Variants in MACF1 observed in about 807,000 individuals in gnomAD.
The protein encoded by MACF1 is microtubule-actin cross-linking factor 1.
In MACF1, 193 loss-of-function variants were observed where a neutral mutation model predicts 854.8. The observed-to-expected ratio is 0.23, with a 90% confidence interval of 0.20 to 0.25. The LOEUF (loss-of-function observed/expected upper bound fraction) is 0.25. Ranked by LOEUF, MACF1 falls within the 10% of genes least tolerant of loss-of-function variation. The pLI, the probability that MACF1 is intolerant of heterozygous loss-of-function variation, is 1.00. For missense variants in MACF1, 7,722 were observed against 8,929.1 expected (o/e 0.86, Z 5.45); for synonymous variants, 3,185 against 3,226.7 (o/e 0.99, Z 0.44).
intron 58 of MACF1, chr1:39,412,248 A>T: frequency 6.2e-7 from 1 of 1,614,034 alleles, no homozygotes; most frequent in Non-Finnish European, 8.5e-7. Context: ...ATGAACTAAC[A>T]GATGTTACCT....
chr1:39,398,742 G>A (rs1642366008), intron 58 of MACF1, among the ~76,000 whole-genome samples: 1 of 152,112 alleles, frequency 6.6e-6, no homozygotes, highest in Non-Finnish European at 1.5e-5. Context: ...AGGATCTTGG[G>A]GAACTAATCT....
intron 41 of MACF1, among the ~76,000 whole-genome samples, chr1:39,347,755 T>TTC (rs1195853282): frequency 6.6e-6 from 1 of 152,234 alleles, no homozygotes. Flanking sequence ...TAATATTATT[T>TTC]TCTTGCACCT....
At chr1:39,232,228 G>A (rs1302007308) in intron 2 of MACF1, among the ~76,000 whole-genome samples, 1 of 151,692 alleles carries the variant, frequency 6.6e-6, no homozygotes, top group African/African-American at 2.4e-5. Flanking sequence ...TATGACTACT[G>A]TGGCAGTTAG....
chr1:39,404,516 G>C (rs2148598772), intron 58 of MACF1, among the ~76,000 whole-genome samples: 1 of 152,048 alleles, frequency 6.6e-6, no homozygotes, highest in East Asian at 1.9e-4. Context: ...TTTGGAGACA[G>C]GATCTCACTC....
intron 55 of MACF1, among the ~76,000 whole-genome samples, chr1:39,380,603 C>T (rs1650096621): frequency 1.3e-5 from 2 of 152,252 alleles, no homozygotes; most frequent in South Asian, 4.2e-4. Context: ...TGGTAATCTA[C>T]TGTGATCAAG....
intron 58 of MACF1, among the ~76,000 whole-genome samples, chr1:39,392,940 A>G (rs909504253): frequency 2.0e-5 from 3 of 152,128 alleles, no homozygotes; most frequent in African/African-American, 7.2e-5. Context: ...TGTTGGAAGT[A>G]GAAAGGAAGA....
intron 50 of MACF1, among the ~76,000 whole-genome samples, 168 bp downstream of exon 50, chr1:39,368,482 C>A (rs572197918): frequency 6.6e-6 from 1 of 152,192 alleles, no homozygotes; most frequent in East Asian, 1.9e-4. Flanking sequence ...GCTACCTCAT[C>A]TACTTGATGC....
At chr1:39,440,489 C>CT (rs1377121901) in intron 72 of MACF1, among the ~76,000 whole-genome samples, 3 of 152,116 alleles carry the variant, frequency 2.0e-5, no homozygotes, top group South Asian at 2.1e-4. Context: ...TATTATTTCT[C>CT]TAATTTCTTA....
chr1:39,284,040 G>A (rs1252909765), intron 9 of MACF1, 26 bp from the exon 10 acceptor site: 1 of 1,611,964 alleles, frequency 6.2e-7, no homozygotes, highest in Admixed American at 1.7e-5. Flanking sequence ...CTAATCAGGT[G>A]TGTGATGTTT....
chr1:39,322,033 G>A (rs1397529434), intron 31 of MACF1, among the ~76,000 whole-genome samples: 1 of 152,214 alleles, frequency 6.6e-6, no homozygotes, highest in Non-Finnish European at 1.5e-5. Flanking sequence ...AACTTGCAGG[G>A]TTGCAGAGGA....
At chr1:39,266,257 C>T (rs1645230102) in intron 6 of MACF1, among the ~76,000 whole-genome samples, 1 of 152,212 alleles carries the variant, frequency 6.6e-6, no homozygotes. Flanking sequence ...AATTCAAGTG[C>T]ATCTTAAAGT....
Position 39,485,940 on chromosome 1 carries a change from TG to T in MACF1, c.*147del. The T allele has an allele frequency of 1.1e-6, 1 of 909,992 alleles. No individual in the cohort carries two copies. The highest frequency in any genetic ancestry group is 1.5e-6 in the Non-Finnish European group (1 of 679,840). 56.4% of individuals were successfully genotyped at this position (909,992 alleles called of 1,614,324 possible). A position where few individuals can be genotyped will look rare whatever the true frequency, so the allele number is the denominator to read the frequency against. On this transcript the variant is annotated 3_prime_UTR_variant, in exon 101 of 101. Transcript: ENST00000564288. Reference sequence around the variant, plus strand: ...GAAGCTGCCTTATTTTTTTTCTTTTTGTAAGTTACTATTTTCATGTGAATAT... The same window carrying T: ...GAAGCTGCCTTATTTTTTTTCTTTTTTAAGTTACTATTTTCATGTGAATAT...
chr1:39,466,331 C>G (rs1182780992), intron 95 of MACF1, among the ~76,000 whole-genome samples: 1 of 152,192 alleles, frequency 6.6e-6, no homozygotes, highest in Admixed American at 6.5e-5. Flanking sequence ...TGACTCTGGC[C>G]TCAACTTCCC....
intron 2 of MACF1, among the ~76,000 whole-genome samples, chr1:39,233,808 T>TTTTTTTTTTTTTTTTTTTTTTTTA (rs755591226): frequency 3.0e-5 from 2 of 65,856 alleles, no homozygotes; most frequent in Non-Finnish European, 6.6e-5. Context: ...ATTTATTTTT[T>TTTTTTTTTTTTTTTTTTTTTTTTA]ATTGATAATT....
At position 39,356,680 on chromosome 1, in the gene MACF1, A is replaced by G. The variant is rs1372928635; in HGVS notation, c.11425-695A>G. ...GCCACCATGCCTGGCCAAACTTACA[A>G]TTTTTATATTGTCACATGTATGATT... On this transcript the variant is annotated intron_variant, in intron 44 of 100. Coordinates refer to ENST00000564288, the MANE Select transcript of MACF1 (RefSeq NM_001394062.1). Among the ~76,000 whole-genome samples the G allele has an allele frequency of 9.2e-5, 14 of 152,248 alleles. No homozygotes were observed. The South Asian group carries it at 2.5e-3, about 27-fold the overall frequency.
Position 39,334,583 on chromosome 1 carries a change from A to G in MACF1, c.7995A>G (p.Thr2665=), listed in dbSNP as rs541108457. 4.3e-6 allele frequency: 7 copies of G among 1,614,042 alleles called. No individual in the cohort carries two copies. The highest frequency in any genetic ancestry group is 1.7e-5 in the Admixed American group (1 of 60,006). The change falls in exon 37 of 101, where the codon ACA becomes ACG. Residue 2665 remains threonine (T), a synonymous_variant. Transcript: ENST00000564288. The stretch of plus-strand genomic sequence containing the variant: ...ATGGGGTGAGCGACAAAGTGCTTAC[A>G]TTGTCTCAAGCAATTCAGCTTGGAA... The part of the protein sequence containing the change: ...IKDGVSDKVL[T]LSQAIQLGKV...
In MACF1 at chr1:39,210,288, A is replaced by G. The variant is rs562210546; in HGVS notation, c.109+5157A>G. 2.6e-5 allele frequency among the ~76,000 whole-genome samples: 4 copies of G among 152,236 alleles called. No homozygotes were observed. In the East Asian group the frequency reaches 5.8e-4, roughly 22 times the overall value. On this transcript the variant is annotated intron_variant, in intron 1 of 100. Coordinates refer to ENST00000564288, the MANE Select transcript of MACF1 (RefSeq NM_001394062.1). ...AACTCAGATATTTGAATAAATGGTC[A>G]TATATCTAACATATCTTTGCTCAAA...
chr1:39,390,891 AG>A (rs2148574390), intron 58 of MACF1, among the ~76,000 whole-genome samples: 1 of 152,282 alleles, frequency 6.6e-6, no homozygotes, highest in African/African-American at 2.4e-5. Flanking sequence ...GTGGATCACG[AG>A]GTCAGGAGAT....
At position 39,458,963 on chromosome 1, in the gene MACF1, C is replaced by T. The variant is rs112988675; in HGVS notation, c.21197-123C>T. ...TCCGTATCTAAATATTGCCAAGTCCCGTATTTCTTTTCTCAGTTATTGACT... is the reference window on the plus strand; with the variant it reads ...TCCGTATCTAAATATTGCCAAGTCCTGTATTTCTTTTCTCAGTTATTGACT... On this transcript the variant is annotated intron_variant, in intron 90 of 100. Coordinates refer to ENST00000564288, the MANE Select transcript of MACF1 (RefSeq NM_001394062.1). 7.7e-4 allele frequency: 664 copies of T among 859,898 alleles called. 7 individuals carry two copies. The South Asian group carries it at 8.4e-3, about 11-fold the overall frequency. 53.3% of individuals were successfully genotyped at this position (859,898 alleles called of 1,614,324 possible).
Sources: allele counts gnomAD v4.1 joint callset (sites outside exome capture counted in the v4.1 genomes callset), GRCh38; gene constraint gnomAD v4.1.1; transcripts MANE v1.5; gene names NCBI Gene and HGNC (gene_info 2026-07-23, HGNC 2026-07-21).